ZNF236: variants seen among roughly 807,000 people sequenced by gnomAD.
ZNF236 encodes regulated by glucose.
Under a neutral mutation model 191.2 loss-of-function variants are expected in ZNF236, and 50 were observed. The observed-to-expected ratio is 0.26, with a 90% CI of 0.21 to 0.33. ZNF236 has a LOEUF of 0.33. ZNF236 is among the 10% of genes least tolerant of loss of function. The pLI, the probability that ZNF236 is intolerant of heterozygous loss-of-function variation, is 1.00. For missense variants in ZNF236, 1,754 were observed against 2,374.5 expected (o/e 0.74, Z 5.43); for synonymous variants, 907 against 928.8 (o/e 0.98, Z 0.43).
intron 25 of ZNF236, among the ~76,000 whole-genome samples, chr18:76,932,966 A>G (rs760500481): frequency 1.6e-4 from 25 of 152,314 alleles, no homozygotes; most frequent in Non-Finnish European, 3.2e-4. Context: ...TGCTGTACCT[A>G]TAAATTCACC....
Position 76,875,601 on chromosome 18 carries a change from C to G in ZNF236, c.777C>G (p.Phe259Leu), listed in dbSNP as rs1976690689. The change falls in exon 6 of 31, where the codon TTC becomes TTG. Residue 259 changes from phenylalanine (F) to leucine (L), a missense_variant. Physicochemically the swap from Phe to Leu is conservative, Grantham distance 22. This residue lies in a region of ZNF236 where 336 missense variants were observed against 495.1 expected (regional missense o/e 0.68). Coordinates refer to ENST00000320610, the MANE Select transcript of ZNF236 (RefSeq NM_001306089.2). The surrounding 1 kb of genome is among the most constrained non-coding windows in gnomAD (Gnocchi z 4.3). ...HTGEKPHACAFCPAAFSQKGN... is the reference protein window; with the variant it reads ...HTGEKPHACALCPAAFSQKGN... ...GTGAAAAACCCCATGCCTGTGCCTTCTGTCCTGCCGCCTTCTCTCAGAAAG... is the reference window on the plus strand; with the variant it reads ...GTGAAAAACCCCATGCCTGTGCCTTGTGTCCTGCCGCCTTCTCTCAGAAAG... The G allele has an allele frequency of 1.2e-6, 2 of 1,605,234 alleles. No homozygotes were observed. Among genetic ancestry groups the G allele is most frequent in the African/African-American group, 2.7e-5 (2 of 74,768 alleles).
At chr18:76,942,258 G>T (rs1014863954) in intron 26 of ZNF236, among the ~76,000 whole-genome samples, 2 of 152,146 alleles carry the variant, frequency 1.3e-5, no homozygotes, top group African/African-American at 4.8e-5. Flanking sequence ...AAGTTGTTCA[G>T]CATTATACCA....
chr18:76,891,755 T>C (rs2078805084), intron 9 of ZNF236, among the ~76,000 whole-genome samples: 2 of 152,148 alleles, frequency 1.3e-5, no homozygotes, highest in South Asian at 4.1e-4. Flanking sequence ...CAAACATCAT[T>C]TGTCAAATAA....
intron 30 of ZNF236, among the ~76,000 whole-genome samples, chr18:76,961,367 TTGTGTGTGTG>T (rs58383689): frequency 0.094 from 13,818 of 146,884 alleles, 665 homozygotes; most frequent in East Asian, 0.13. Context: ...TAGTATTCCA[TTGTGTGTGTG>T]TGTGTGTGTG....
chr18:76,837,127 T>TTCCCCCCCCCCC (rs1975355189), intron 1 of ZNF236, among the ~76,000 whole-genome samples: 1 of 37,066 alleles, frequency 2.7e-5, no homozygotes, highest in African/African-American at 1.1e-4. Context: ...CCGCACCCCC[T>TTCCCCCCCCCCC]CCCCCCCCCC....
In ZNF236 at chr18:76,899,364, T is replaced by C; in HGVS notation, c.1894+142T>C. ...TTAATGAAGTCTGTGTTAAGCCTTGTTTTGCTTTATGGACTAGTATGTTTT... is the reference window on the plus strand; with the variant it reads ...TTAATGAAGTCTGTGTTAAGCCTTGCTTTGCTTTATGGACTAGTATGTTTT... On this transcript the variant is annotated intron_variant, in intron 11 of 30. Transcript: ENST00000320610. 3 of 707,362 alleles carry C rather than the reference T, an allele frequency of 4.2e-6. No homozygotes were observed. The South Asian group carries it at 6.8e-5, about 16-fold the overall frequency. The allele number at this position is 707,362 out of a possible 1,614,324, so 43.8% of individuals were successfully genotyped here. A position where few individuals can be genotyped will look rare whatever the true frequency, so the allele number is the denominator to read the frequency against.
At chr18:76,894,828 C>T (rs1316471990) in intron 9 of ZNF236, among the ~76,000 whole-genome samples, 185 bp from the exon 10 acceptor site, 1 of 152,182 alleles carries the variant, frequency 6.6e-6, no homozygotes, top group Admixed American at 6.5e-5. Flanking sequence ...ATTGTGTTTT[C>T]CCCGACTGTT....
chr18:76,853,648 C>T (rs991217857), intron 3 of ZNF236, among the ~76,000 whole-genome samples: 10 of 151,914 alleles, frequency 6.6e-5, no homozygotes, highest in Admixed American at 2.0e-4. Flanking sequence ...TTCAGTTAGA[C>T]GGGAGGAGTA....
At chr18:76,864,262 C>G (rs192494175) in intron 3 of ZNF236, among the ~76,000 whole-genome samples, 2 of 149,684 alleles carry the variant, frequency 1.3e-5, no homozygotes, top group African/African-American at 2.5e-5. Context: ...TGCAGTGGCA[C>G]TGTGTCGGCT....
chr18:76,928,596 T>C (rs775024393), intron 25 of ZNF236, among the ~76,000 whole-genome samples: 8 of 152,176 alleles, frequency 5.3e-5, no homozygotes, highest in Admixed American at 1.3e-4. Context: ...CCTTTGGCAG[T>C]AAAGCCCACC....
chr18:76,879,576 T>C (rs1386131903), intron 7 of ZNF236, among the ~76,000 whole-genome samples: 1 of 152,180 alleles, frequency 6.6e-6, no homozygotes, highest in Non-Finnish European at 1.5e-5. Flanking sequence ...ATCCGTTTTC[T>C]TCTGGATGGG....
chr18:76,827,884 A>G (rs1445860981), intron 1 of ZNF236, among the ~76,000 whole-genome samples: 1 of 152,176 alleles, frequency 6.6e-6, no homozygotes, highest in Non-Finnish European at 1.5e-5. Flanking sequence ...ACATTTTGGA[A>G]TCTTGTATGA....
Position 76,937,203 on chromosome 18 carries a change from C to T in ZNF236, c.4642C>T (p.Pro1548Ser). The change falls in exon 26 of 31, where the codon CCA (proline) becomes TCA (serine). Residue 1548 changes from proline (P) to serine (S), a missense_variant. Physicochemically the swap from Pro to Ser is moderately conservative, Grantham distance 74. This residue lies in a region of ZNF236 where 606 missense variants were observed against 761.5 expected (regional missense o/e 0.80). Coordinates refer to ENST00000320610, the MANE Select transcript of ZNF236 (RefSeq NM_001306089.2). ...CCTTCCTTCAACAACACCGATGTCT[C>T]CATCGGCCATCTCGACTCAGAACCT... ...GSLPSTTPMS[P>S]SAISTQNLVM... 3.7e-6 allele frequency: 6 copies of T among 1,614,192 alleles called. No homozygotes were observed. The highest frequency in any genetic ancestry group is 5.1e-6 in the Non-Finnish European group (6 of 1,180,028).
chr18:76,877,592 C>T (rs1307171762), intron 6 of ZNF236, among the ~76,000 whole-genome samples: 1 of 152,004 alleles, frequency 6.6e-6, no homozygotes, highest in Non-Finnish European at 1.5e-5. Context: ...CTTTCCTAAC[C>T]TCTGTGGTTT....
At chr18:76,879,080 T>A (rs1976797775) in intron 7 of ZNF236, among the ~76,000 whole-genome samples, 1 of 152,248 alleles carries the variant, frequency 6.6e-6, no homozygotes, top group Non-Finnish European at 1.5e-5. Context: ...TGAATTTTTT[T>A]AAATACAATT....
At chr18:76,832,572 G>GT (rs970413214) in intron 1 of ZNF236, among the ~76,000 whole-genome samples, 169 of 139,758 alleles carry the variant, frequency 1.2e-3, no homozygotes, top group Middle Eastern at 3.6e-3. Flanking sequence ...CTTTTCCACT[G>GT]TTTTTTTTTT....
chr18:76,937,037 C>T, intron 25 of ZNF236, 119 bp from the exon 26 acceptor site: 1 of 840,540 alleles, frequency 1.2e-6, no homozygotes, highest in Non-Finnish European at 1.9e-6. Context: ...TTTGGTGCAG[C>T]TTGGAGACCT....
chr18:76,839,824 T>G (rs1975428343), intron 1 of ZNF236, among the ~76,000 whole-genome samples: 1 of 152,282 alleles, frequency 6.6e-6, no homozygotes, highest in South Asian at 2.1e-4. Flanking sequence ...TTCACACAAA[T>G]TGTATGTTTG....
rs1336761810 is a variant in ZNF236, at chr18:76,960,328, G to T, written c.5243-351G>T. ...GCCTCTTGACTGTACATGATAGCTCGTGTCAGCCCTTCCGTCTCCGCCCTG... is the reference window on the plus strand; with the variant it reads ...GCCTCTTGACTGTACATGATAGCTCTTGTCAGCCCTTCCGTCTCCGCCCTG... On this transcript the variant is annotated intron_variant, in intron 29 of 30. Transcript: ENST00000320610. This position sits in a 1 kb window ranked among gnomAD's most constrained non-coding sequence, Gnocchi z 4.4. 6.6e-6 allele frequency among the ~76,000 whole-genome samples: 1 copy of T among 152,128 alleles called. No homozygotes were observed. The highest frequency in any genetic ancestry group is 1.9e-4 in the East Asian group (1 of 5,178).
Sources: allele counts gnomAD v4.1 joint callset (sites outside exome capture counted in the v4.1 genomes callset), GRCh38; gene constraint gnomAD v4.1.1; regional missense constraint gnomAD v4.1.1; non-coding constraint Gnocchi (gnomAD v3.1); transcripts MANE v1.5; gene names NCBI Gene and HGNC (gene_info 2026-07-23, HGNC 2026-07-21).